Variants in RARB observed in about 807,000 individuals in gnomAD.
The protein encoded by RARB is retinoic acid receptor beta.
Under a neutral mutation model 51.9 loss-of-function variants are expected in RARB, and 17 were observed. The ratio of observed to expected loss-of-function variants is 0.33; its 90% CI spans 0.22 to 0.49. The LOEUF is 0.49. Ranked by LOEUF, RARB falls within the 20% of genes least tolerant of loss-of-function variation. The pLI, the probability that RARB is intolerant of heterozygous loss-of-function variation, is 0.99. For synonymous variants in RARB, 215 were observed against 195.4 expected (o/e 1.10, Z -0.84); for missense variants, 369 against 550.8 (o/e 0.67, Z 3.30).
chr3:25,002,582 G>A (rs573098052), intron 2 of RARB, among the ~76,000 whole-genome samples: 22 of 152,152 alleles, frequency 1.4e-4, no homozygotes, highest in African/African-American at 1.9e-4. Flanking sequence ...ATAGAGTTGC[G>A]TAATGTTTTA....
intron 2 of RARB, among the ~76,000 whole-genome samples, chr3:24,983,279 TTTTG>T (rs1023059706): frequency 1.3e-5 from 2 of 152,058 alleles, no homozygotes; most frequent in East Asian, 3.9e-4. Context: ...ATGTATTTCC[TTTTG>T]TTTGTTTTTT....
chr3:24,979,600 G>GT (rs570180063), intron 2 of RARB, among the ~76,000 whole-genome samples: 1,827 of 147,894 alleles, frequency 0.012, 32 homozygotes, highest in East Asian at 0.089. Context: ...TTTGTTTTTT[G>GT]TTTTTTTTTG....
At chr3:24,891,375 G>A (rs986153762) in intron 2 of RARB, among the ~76,000 whole-genome samples, 1 of 152,118 alleles carries the variant, frequency 6.6e-6, no homozygotes, top group Non-Finnish European at 1.5e-5. Flanking sequence ...CCTCGGGAAA[G>A]TTACTTGGCT....
chr3:25,334,307 A>G (rs913285238), intron 5 of RARB, among the ~76,000 whole-genome samples: 1 of 152,242 alleles, frequency 6.6e-6, no homozygotes, highest in African/African-American at 2.4e-5. Context: ...GACCGGATTA[A>G]GAAAATGTGG....
chr3:25,020,963 G>A (rs920560810), intron 2 of RARB, among the ~76,000 whole-genome samples: 2 of 152,066 alleles, frequency 1.3e-5, no homozygotes, highest in Non-Finnish European at 2.9e-5. Flanking sequence ...GTGAAACACC[G>A]TCTCAAAATA....
chr3:24,842,475 C>A (rs1702431517), intron 1 of RARB, among the ~76,000 whole-genome samples: 1 of 152,110 alleles, frequency 6.6e-6, no homozygotes, highest in Admixed American at 6.5e-5. Context: ...ATCTTATTAG[C>A]ACAAGACTCC....
chr3:25,479,322 G>A (rs554385290), intron 2 of RARB, among the ~76,000 whole-genome samples: 4 of 152,284 alleles, frequency 2.6e-5, no homozygotes, highest in Non-Finnish European at 5.9e-5. Context: ...TGAAATGAAA[G>A]GTGTCTTACT....
chr3:25,116,985 G>A (rs1699698197), intron 3 of RARB, among the ~76,000 whole-genome samples: 1 of 152,114 alleles, frequency 6.6e-6, no homozygotes, highest in South Asian at 2.1e-4. Flanking sequence ...AACTTTACAG[G>A]TTGTTTCATT....
chr3:25,507,776 A>T (rs1365433757), intron 3 of RARB, among the ~76,000 whole-genome samples: 1 of 152,214 alleles, frequency 6.6e-6, no homozygotes, highest in Admixed American at 6.5e-5. Flanking sequence ...AATGGAAGAC[A>T]AGAAGTAGGC....
In RARB at chr3:25,453,927, G is replaced by A. The variant is rs192612996; in HGVS notation, c.158-7266G>A. On this transcript the variant is annotated intron_variant, in intron 1 of 7. Transcript: ENST00000330688. Reference sequence around the variant, plus strand: ...TAATAATAACAAAGCCAGCAGCAGAGTAAGGCAAGATTTCAAAGCAGAGTT... The same window carrying A: ...TAATAATAACAAAGCCAGCAGCAGAATAAGGCAAGATTTCAAAGCAGAGTT... Among the ~76,000 whole-genome samples, 239 of 152,354 alleles carry A rather than the reference G, an allele frequency of 1.6e-3. 1 individual carries two copies. The highest frequency in any genetic ancestry group is 5.2e-3 in the African/African-American group (218 of 41,586).
chr3:25,571,541 C>T (rs892185625), intron 4 of RARB, among the ~76,000 whole-genome samples: 6 of 152,206 alleles, frequency 3.9e-5, no homozygotes, highest in African/African-American at 1.2e-4. Context: ...GTTTGGGGAA[C>T]ACTGTCCCAT....
intron 5 of RARB, among the ~76,000 whole-genome samples, chr3:25,291,122 A>G (rs1376317609): frequency 6.6e-6 from 1 of 152,172 alleles, no homozygotes; most frequent in Non-Finnish European, 1.5e-5. Context: ...AGGCAAAACT[A>G]TCTTTAATAT....
chr3:25,428,077 T>A (rs1708048798), upstream of RARB, among the ~76,000 whole-genome samples: 1 of 152,182 alleles, frequency 6.6e-6, no homozygotes, highest in Non-Finnish European at 1.5e-5. Flanking sequence ...AAACGCCGGC[T>A]TGTGCGCTCG....
chr3:24,960,416 T>G (rs1309498205), intron 2 of RARB, among the ~76,000 whole-genome samples: 5 of 152,222 alleles, frequency 3.3e-5, no homozygotes, highest in Non-Finnish European at 7.3e-5. Flanking sequence ...TGAAAATATT[T>G]TCTCCCAACC....
intron 4 of RARB, among the ~76,000 whole-genome samples, chr3:25,156,422 T>C (rs894787426): frequency 4.7e-5 from 7 of 148,366 alleles, no homozygotes; most frequent in Non-Finnish European, 1.0e-4. Context: ...CATGGAAATG[T>C]GGCCATTCAT....
intron 4 of RARB, among the ~76,000 whole-genome samples, chr3:25,135,524 A>G (rs1052099145): frequency 2.6e-5 from 4 of 152,010 alleles, no homozygotes; most frequent in South Asian, 2.1e-4. Context: ...ATTATGTTGC[A>G]AATGATTTGT....
chr3:25,144,578 C>T (rs1438931828), intron 4 of RARB, among the ~76,000 whole-genome samples: 2 of 152,170 alleles, frequency 1.3e-5, no homozygotes, highest in East Asian at 1.9e-4. Flanking sequence ...TTCCCTAAGC[C>T]ATACATTCTT....
chr3:24,857,702 C>A (rs188462984), intron 1 of RARB, among the ~76,000 whole-genome samples: 1 of 152,142 alleles, frequency 6.6e-6, no homozygotes, highest in East Asian at 1.9e-4. Flanking sequence ...GATCATTGAG[C>A]GTAGGAGTTC....
intron 2 of RARB, among the ~76,000 whole-genome samples, chr3:24,918,977 G>A (rs776843912): frequency 6.6e-6 from 1 of 152,076 alleles, no homozygotes; most frequent in South Asian, 2.1e-4. Flanking sequence ...AACTGAATTT[G>A]GTACAGTATG....
Sources: allele counts gnomAD v4.1 joint callset (sites outside exome capture counted in the v4.1 genomes callset), GRCh38; gene constraint gnomAD v4.1.1; transcripts MANE v1.5; gene names NCBI Gene and HGNC (gene_info 2026-07-23, HGNC 2026-07-21).